The following PDE10A variants were observed in gnomAD, a reference collection of about 807,000 sequenced individuals.
PDE10A encodes phosphodiesterase 10A.
PDE10A carries 39 observed loss-of-function variants against 97.7 expected under a neutral mutation model. That is an observed-to-expected ratio of 0.40 (90% CI 0.31 to 0.52). The LOEUF (loss-of-function observed/expected upper bound fraction) is 0.52, where lower values mean the gene tolerates loss of function less well. Ranked by LOEUF, PDE10A falls within the 20% of genes least tolerant of loss-of-function variation. The probability of loss-of-function intolerance (pLI) is 0.56; values close to 1 mark genes in which losing one functional copy is unlikely to be tolerated. For synonymous variants in PDE10A, 371 were observed against 376.8 expected, an observed-to-expected ratio of 0.98 and a Z score of 0.18; for missense variants, 731 against 1,047.8, an observed-to-expected ratio of 0.70 and a Z score of 4.17.
intron 1 of PDE10A, among the ~76,000 whole-genome samples, chr6:165,546,743 A>T (rs907772181): frequency 1.3e-5 from 2 of 152,130 alleles, no homozygotes; most frequent in Non-Finnish European, 2.9e-5. Flanking sequence ...GATGTTACAG[A>T]TAAACAAAAG....
intron 1 of PDE10A, among the ~76,000 whole-genome samples, chr6:165,746,056 A>G (rs1404341526): frequency 6.6e-6 from 1 of 152,244 alleles, no homozygotes; most frequent in African/African-American, 2.4e-5. Context: ...ACATACGTGA[A>G]TGGATACACA....
At chr6:165,573,090 T>TA (rs568114322) in intron 1 of PDE10A, among the ~76,000 whole-genome samples, 171 of 152,342 alleles carry the variant, frequency 1.1e-3, no homozygotes, top group Non-Finnish European at 2.0e-3. Context: ...TTCATCCTGA[T>TA]ATAGGCACCT....
At chr6:165,726,190 C>G (rs919254170) in intron 1 of PDE10A, among the ~76,000 whole-genome samples, 4 of 152,090 alleles carry the variant, frequency 2.6e-5, no homozygotes, top group African/African-American at 9.7e-5. Context: ...AGAGCTGATC[C>G]CACCAGAACG....
At chr6:165,480,499 T>C (rs1244001968) in intron 3 of PDE10A, among the ~76,000 whole-genome samples, 1 of 151,840 alleles carries the variant, frequency 6.6e-6, no homozygotes, top group Non-Finnish European at 1.5e-5. Flanking sequence ...GGTGGGAGGA[T>C]CATCTGAACT....
At chr6:165,931,666 C>T (rs1309715665) in intron 1 of PDE10A, among the ~76,000 whole-genome samples, 1 of 152,152 alleles carries the variant, frequency 6.6e-6, no homozygotes, top group African/African-American at 2.4e-5. Flanking sequence ...TATTTGTATT[C>T]CTTGTCTCAT....
intron 5 of PDE10A, among the ~76,000 whole-genome samples, chr6:165,441,300 G>GGGGGCCCC (rs1451025085): frequency 6.6e-6 from 1 of 152,160 alleles, no homozygotes; most frequent in African/African-American, 2.4e-5. Context: ...ATCATGTGCT[G>GGGGGCCCC]TAACTAGCTG....
chr6:165,753,230 A>C (rs2128456426), intron 1 of PDE10A, among the ~76,000 whole-genome samples: 1 of 152,348 alleles, frequency 6.6e-6, no homozygotes, highest in South Asian at 2.1e-4. Context: ...GCAACTTATA[A>C]GTTGATGTCA....
intron 1 of PDE10A, among the ~76,000 whole-genome samples, chr6:165,965,303 G>A (rs541828552): frequency 2.1e-4 from 32 of 152,078 alleles, no homozygotes; most frequent in Non-Finnish European, 3.1e-4. Flanking sequence ...GCTGGGTAGC[G>A]TTCTGAATGG....
chr6:165,578,560 C>T (rs1339975925), intron 1 of PDE10A, among the ~76,000 whole-genome samples: 26 of 152,118 alleles, frequency 1.7e-4, no homozygotes, highest in Admixed American at 1.7e-3. Context: ...CCCCAAACAA[C>T]CTTCATCTCC....
intron 1 of PDE10A, among the ~76,000 whole-genome samples, chr6:165,967,194 T>G (rs1784535256): frequency 6.6e-6 from 1 of 152,198 alleles, no homozygotes. Context: ...ATCTTGACTC[T>G]AAACAAATAA....
At chr6:165,787,896 G>T (rs1778537744) in intron 1 of PDE10A, among the ~76,000 whole-genome samples, 1 of 152,122 alleles carries the variant, frequency 6.6e-6, no homozygotes, top group Admixed American at 6.5e-5. Context: ...TATTTTAAAA[G>T]CTCTTTCAAC....
chr6:165,958,555 AAGAAAGAAAGACAGACAGAAAGAAAGAC>A (rs59290698), intron 1 of PDE10A, among the ~76,000 whole-genome samples: 10,297 of 51,774 alleles, frequency 0.2, 2,200 homozygotes, highest in African/African-American at 0.23. Flanking sequence ...GAAAGAAAGA[AAGAAAGAAAGACAGACAGAAAGAAAGAC>A]AGAAAGAGAG....
At chr6:165,869,369 C>G (rs1781139498) in intron 1 of PDE10A, among the ~76,000 whole-genome samples, 1 of 151,810 alleles carries the variant, frequency 6.6e-6, no homozygotes, top group Admixed American at 6.6e-5. Context: ...AAAAACTCTT[C>G]CTAGGAATAA....
At chr6:165,971,226 C>A (rs1784663343) in intron 1 of PDE10A, among the ~76,000 whole-genome samples, 1 of 151,896 alleles carries the variant, frequency 6.6e-6, no homozygotes, top group Non-Finnish European at 1.5e-5. Flanking sequence ...TTTTAAATGG[C>A]ACAGAAATGG....
At chr6:165,488,852 C>A (rs221729) in intron 2 of PDE10A, among the ~76,000 whole-genome samples, 2 of 152,110 alleles carry the variant, frequency 1.3e-5, no homozygotes, top group African/African-American at 4.8e-5. Context: ...CAGCAGAGGC[C>A]CCCTGGGAAC....
At chr6:165,918,148 C>A (rs1304215966) in intron 1 of PDE10A, among the ~76,000 whole-genome samples, 1 of 152,076 alleles carries the variant, frequency 6.6e-6, no homozygotes, top group East Asian at 1.9e-4. Flanking sequence ...GTAGAATTCT[C>A]TAGTAGGTTA....
intron 2 of PDE10A, among the ~76,000 whole-genome samples, chr6:165,528,786 A>C (rs1399997996): frequency 6.6e-6 from 1 of 152,214 alleles, no homozygotes; most frequent in African/African-American, 2.4e-5. Context: ...ATTCTGAAGC[A>C]GCTGGATTGA....
At chr6:165,422,209 T>A (rs1243432937) in intron 10 of PDE10A, among the ~76,000 whole-genome samples, 1 of 152,122 alleles carries the variant, frequency 6.6e-6, no homozygotes, top group Non-Finnish European at 1.5e-5. Context: ...TTTGGTAATA[T>A]TTATAAAGTC....
At position 165,501,377 on chromosome 6, in the gene PDE10A, C is replaced by T. The variant is rs567482116; in HGVS notation, c.995-19034G>A. 2.0e-4 allele frequency among the ~76,000 whole-genome samples: 31 copies of T among 152,072 alleles called. 1 individual carries two copies. In the South Asian group the frequency reaches 4.4e-3, roughly 21 times the overall value. On this transcript the variant is annotated intron_variant, in intron 2 of 21. Coordinates refer to ENST00000539869, the MANE Select transcript of PDE10A (RefSeq NM_001385079.1). ...GAGATCGAGACCATCCTGGCTAACA[C>T]GGTGAAACCCCGTCTCTACTAAAAA...
Sources: gnomAD v4.1 joint callset for allele counts (sites outside exome capture counted in the v4.1 genomes callset) on GRCh38, gnomAD v4.1.1 for gene constraint, MANE v1.5 for transcripts, NCBI Gene and HGNC (gene_info 2026-07-23, HGNC 2026-07-21) for gene names.